Variants in NIPAL2 observed in about 807,000 individuals in gnomAD.
The protein encoded by NIPAL2 is NIPA-like protein 2.
A neutral mutation model predicts 48.9 loss-of-function variants in NIPAL2; 43 were observed. That is an observed-to-expected ratio of 0.88 (90% CI 0.69 to 1.13). The LOEUF (loss-of-function observed/expected upper bound fraction) is 1.13, where lower values mean the gene tolerates loss of function less well. NIPAL2 is among the 50% of genes most tolerant of loss of function. NIPAL2 has a pLI of 0.00. For missense variants in NIPAL2, 446 were observed against 461.4 expected, an observed-to-expected ratio of 0.97 and a Z score of 0.31; for synonymous variants, 167 against 174.6, an observed-to-expected ratio of 0.96 and a Z score of 0.34.
At position 98,218,341 on chromosome 8, in the gene NIPAL2, A is replaced by C. The variant is rs78415690; in HGVS notation, c.558+4138T>G. Among the ~76,000 whole-genome samples the C allele has an allele frequency of 1.5e-3, 221 of 152,340 alleles. 5 individuals carry two copies. The highest frequency in any genetic ancestry group is 9.3e-3 in the Admixed American group (143 of 15,300). On this transcript the variant is annotated intron_variant, in intron 5 of 10. Coordinates refer to ENST00000430223, the MANE Select transcript of NIPAL2 (RefSeq NM_001321635.2). ...TAAAAAACAGAACTAAATCACAGAGATTAGAACTCCTTCTAGTGCTTATCA... is the reference window on the plus strand; with the variant it reads ...TAAAAAACAGAACTAAATCACAGAGCTTAGAACTCCTTCTAGTGCTTATCA...
rs2130755161 is a variant in NIPAL2 at position 98,222,542 on chromosome 8, A to C, written c.495T>G (p.Thr165=). ...GTACTGTTCTTGCTGAGATTGCCTGAGTTATATTTGGAGCAAAGTTCACCA... is the reference window on the plus strand; with the variant it reads ...GTACTGTTCTTGCTGAGATTGCCTGCGTTATATTTGGAGCAAAGTTCACCA... ...YLLVNFAPNI[T]QAISARTVQY... Residue 165 remains threonine (T), a synonymous_variant, in exon 5 of 11, where the codon ACT becomes ACG. Coordinates refer to ENST00000430223, the MANE Select transcript of NIPAL2 (RefSeq NM_001321635.2). 6.2e-7 allele frequency: 1 copy of C among 1,614,002 alleles called. No individual in the cohort carries two copies. The highest frequency in any genetic ancestry group is 8.5e-7 in the Non-Finnish European group (1 of 1,179,874).
At chr8:98,243,118 T>C (rs1285537856) in intron 3 of NIPAL2, among the ~76,000 whole-genome samples, 2 of 152,170 alleles carry the variant, frequency 1.3e-5, no homozygotes, top group African/African-American at 4.8e-5. Flanking sequence ...GGTACCTCCA[T>C]GGAGCAGTCT....
intron 5 of NIPAL2, among the ~76,000 whole-genome samples, chr8:98,220,028 G>A: frequency 6.6e-6 from 1 of 152,126 alleles, no homozygotes; most frequent in East Asian, 1.9e-4. Context: ...AAAGGGGTGT[G>A]TAGTGTATGA....
In NIPAL2 at chr8:98,236,207, G is replaced by A; in HGVS notation, c.384C>T (p.Ala128=). 6.2e-7 allele frequency: 1 copy of A among 1,601,278 alleles called. No individual in the cohort carries two copies. The highest frequency in any genetic ancestry group is 8.5e-7 in the Non-Finnish European group (1 of 1,172,306). Residue 128 remains alanine, a synonymous_variant, in exon 4 of 11, where the codon GCC becomes GCT. Transcript: ENST00000430223. ...PLGCVSVTGS[A]IISVTFLKDN... is the part of the protein sequence containing the mutation. ...CTTTCAGAAATGTAACAGAAATAAT[G>A]GCACTACCTATAAAGAAAATGGCCA...
intron 3 of NIPAL2, among the ~76,000 whole-genome samples, chr8:98,245,519 A>G (rs1229028883): frequency 6.6e-6 from 1 of 152,222 alleles, no homozygotes; most frequent in Non-Finnish European, 1.5e-5. Context: ...TCGTTCAGAG[A>G]CAATTTGCAT....
chr8:98,248,957 C>A (rs1813431359), intron 3 of NIPAL2, among the ~76,000 whole-genome samples: 1 of 152,200 alleles, frequency 6.6e-6, no homozygotes, highest in African/African-American at 2.4e-5. Flanking sequence ...CACAGTGAAG[C>A]ATAGACGGGT....
chr8:98,257,347 C>CTTTTTT (rs1162654230), intron 1 of NIPAL2, among the ~76,000 whole-genome samples: 4 of 58,008 alleles, frequency 6.9e-5, no homozygotes, highest in African/African-American at 1.3e-4. Flanking sequence ...TTCTTTCTTT[C>CTTTTTT]TTTTTTTTTT....
intron 4 of NIPAL2, among the ~76,000 whole-genome samples, chr8:98,228,825 G>C (rs549484935): frequency 9.2e-5 from 14 of 152,328 alleles, no homozygotes; most frequent in African/African-American, 2.9e-4. Context: ...AGAATGGAAG[G>C]AATGAGCAGG....
At position 98,190,359 on chromosome 8, in the gene NIPAL2, G is replaced by A. The variant is rs1129891; in HGVS notation, c.*2619C>T. 74,102 of 158,428 alleles carry A rather than the reference G, an allele frequency of 0.47. 17,620 individuals carry two copies. Among genetic ancestry groups the A allele is most frequent in the East Asian group, 0.59 (3,206 of 5,438 alleles). 9.8% of individuals were successfully genotyped at this position (158,428 alleles called of 1,614,324 possible). ...TTTGTTTTTGAGACAGTCTTACTCT[G>A]TCGCCCAGGCTGGAGTGCAATGGCA... On this transcript the variant is annotated 3_prime_UTR_variant, in exon 11 of 11. Coordinates refer to ENST00000430223, the MANE Select transcript of NIPAL2 (RefSeq NM_001321635.2).
rs140954077 is a variant in NIPAL2, at chr8:98,284,248, A to G, written c.135+9755T>C. 6.6e-5 allele frequency among the ~76,000 whole-genome samples: 10 copies of G among 152,268 alleles called. No individual in the cohort carries two copies. The East Asian group carries it at 1.9e-3, about 29-fold the overall frequency. ...CGGCCATATCCAAATGTATATCACA[A>G]TGTTTCCTCTTCTGCTTTGGCTCTC... On this transcript the variant is annotated intron_variant, in intron 1 of 10. Coordinates refer to ENST00000430223, the MANE Select transcript of NIPAL2 (RefSeq NM_001321635.2).
In NIPAL2 at chr8:98,192,653, G is replaced by T; in HGVS notation, c.*325C>A. The T allele has an allele frequency of 4.0e-6, 1 of 250,544 alleles. No individual in the cohort carries two copies. The highest frequency in any genetic ancestry group is 1.4e-3 in the Middle Eastern group (1 of 724). The allele number at this position is 250,544 out of a possible 1,614,324, so 15.5% of individuals were successfully genotyped here. A position where few individuals can be genotyped will look rare whatever the true frequency, so the allele number is the denominator to read the frequency against. ...TACCCGTGGGAGAAGCCACCTATGC[G>T]ACCTGTGGCCAAACCGCAAATGTAT... On this transcript the variant is annotated 3_prime_UTR_variant, in exon 11 of 11. Coordinates refer to ENST00000430223, the MANE Select transcript of NIPAL2 (RefSeq NM_001321635.2).
At chr8:98,247,802 G>A (rs1471449602) in intron 3 of NIPAL2, among the ~76,000 whole-genome samples, 2 of 152,176 alleles carry the variant, frequency 1.3e-5, no homozygotes, top group African/African-American at 4.8e-5. Context: ...GGGTTTACCT[G>A]AGACAAGAAG....
At chr8:98,222,721 C>T in intron 4 of NIPAL2, 121 bp from the exon 5 acceptor site, 1 of 931,040 alleles carries the variant, frequency 1.1e-6, no homozygotes, top group Non-Finnish European at 1.6e-6. Context: ...CCCTATTATA[C>T]TCCGTTTCAT....
At chr8:98,204,090 C>T (rs1195581665) in intron 7 of NIPAL2, among the ~76,000 whole-genome samples, 3 of 152,060 alleles carry the variant, frequency 2.0e-5, no homozygotes, top group Non-Finnish European at 2.9e-5. Flanking sequence ...GCAGTTTACC[C>T]CCAATTGTGT....
intron 5 of NIPAL2, among the ~76,000 whole-genome samples, chr8:98,220,229 G>A (rs1811786029): frequency 6.6e-6 from 1 of 152,104 alleles, no homozygotes; most frequent in Non-Finnish European, 1.5e-5. Context: ...CTTCGGTCCT[G>A]TACTTAGAGC....
intron 3 of NIPAL2, among the ~76,000 whole-genome samples, 183 bp from the exon 4 acceptor site, chr8:98,236,397 T>C (rs1812717187): frequency 6.6e-6 from 1 of 152,102 alleles, no homozygotes; most frequent in Non-Finnish European, 1.5e-5. Context: ...TATGTGGAAA[T>C]TGGTGTGGTT....
At chr8:98,204,915 G>A (rs1166892640) in intron 7 of NIPAL2, among the ~76,000 whole-genome samples, 196 bp downstream of exon 7, 25 of 152,054 alleles carry the variant, frequency 1.6e-4, no homozygotes, top group Admixed American at 1.6e-3. Context: ...AAGACATGAA[G>A]GCAACGCTTC....
chr8:98,268,266 G>A (rs1814896915), intron 1 of NIPAL2, among the ~76,000 whole-genome samples: 1 of 151,940 alleles, frequency 6.6e-6, no homozygotes, highest in Admixed American at 6.6e-5. Flanking sequence ...ATATATGTGT[G>A]TCTTTACTAA....
intron 6 of NIPAL2, 44 bp from the exon 7 acceptor site, chr8:98,205,290 A>G (rs1314250120): frequency 6.5e-7 from 1 of 1,544,178 alleles, no homozygotes; most frequent in Non-Finnish European, 8.8e-7. Flanking sequence ...CATATTTCAG[A>G]TTGAATTAAC....
Sources: gnomAD v4.1 joint callset for allele counts (sites outside exome capture counted in the v4.1 genomes callset) on GRCh38, gnomAD v4.1.1 for gene constraint, MANE v1.5 for transcripts, NCBI Gene and HGNC (gene_info 2026-07-23, HGNC 2026-07-21) for gene names.